The following SLC6A16 variants were observed in gnomAD, a reference collection of about 807,000 sequenced individuals.
SLC6A16 encodes the protein orphan sodium- and chloride-dependent neurotransmitter transporter NTT5.
Under a neutral mutation model 65.4 loss-of-function variants are expected in SLC6A16, and 54 were observed. The observed-to-expected ratio is 0.83, with a 90% confidence interval of 0.66 to 1.04. The LOEUF (loss-of-function observed/expected upper bound fraction) is 1.04. Among genes scored for constraint, SLC6A16 ranks in the 50% least tolerant of loss-of-function variants. The probability of loss-of-function intolerance (pLI) is 0.00; values close to 1 mark genes in which losing one functional copy is unlikely to be tolerated. For missense variants in SLC6A16, 816 were observed against 914.0 expected (o/e 0.89, Z 1.38); for synonymous variants, 330 against 346.5 (o/e 0.95, Z 0.53).
At chr19:49,303,526 C>T (rs1042963074) in intron 7 of SLC6A16, among the ~76,000 whole-genome samples, 2 of 151,676 alleles carry the variant, frequency 1.3e-5, no homozygotes, top group African/African-American at 4.8e-5. Context: ...ATGGTGGCGC[C>T]CACCTGTAGT....
chr19:49,333,794 T>C, the SLC6A16 span, among the ~76,000 whole-genome samples: 1 of 152,004 alleles, frequency 6.6e-6, no homozygotes, highest in South Asian at 2.1e-4. Context: ...CATGACTAGA[T>C]AGATGGTGGG....
chr19:49,335,040 G>T, the SLC6A16 span: 1 of 159,500 alleles, frequency 6.3e-6, no homozygotes, highest in Non-Finnish European at 1.4e-5. This position sits in a 1 kb window ranked among gnomAD's most constrained non-coding sequence, Gnocchi z 4.6. Context: ...AAGACCCAGA[G>T]AGGAGGAACA....
At chr19:49,339,612 A>G in the SLC6A16 span, 1 of 1,437,670 alleles carries the variant, frequency 7.0e-7, no homozygotes, top group African/African-American at 1.4e-5. The surrounding 1 kb of genome is among the most constrained non-coding windows in gnomAD (Gnocchi z 4.5). Context: ...GTACGCAGGG[A>G]AAGCCTCCTG....
upstream of SLC6A16, among the ~76,000 whole-genome samples, chr19:49,330,201 C>T (rs7252858): frequency 4.5e-3 from 689 of 151,810 alleles, 3 homozygotes; most frequent in African/African-American, 0.016. Context: ...CTGGAGTGTG[C>T]AGGAGGTGGG....
rs1970213277 is a variant in SLC6A16, at chr19:49,297,813, C to T, written c.1230-3260G>A. On this transcript the variant is annotated intron_variant, in intron 7 of 11. Coordinates refer to ENST00000335875, the MANE Select transcript of SLC6A16 (RefSeq NM_014037.3). ...ATCATAGATGAATACTAAAAACATG[C>T]TAAGTGAAAGAAGTCAGATATAAGA... Among the ~76,000 whole-genome samples the T allele has an allele frequency of 3.3e-5, 5 of 151,802 alleles. No individual in the cohort carries two copies. The South Asian group carries it at 1.0e-3, about 32-fold the overall frequency.
At chr19:49,328,194 C>T (rs951220208), upstream of SLC6A16, among the ~76,000 whole-genome samples, 1 of 152,244 alleles carries the variant, frequency 6.6e-6, no homozygotes, top group African/African-American at 2.4e-5. Flanking sequence ...AATTGACTCA[C>T]AGTTCAGCTT....
intron 1 of SLC6A16, among the ~76,000 whole-genome samples, chr19:49,311,675 C>A (rs1208557922): frequency 6.6e-6 from 1 of 151,550 alleles, no homozygotes; most frequent in African/African-American, 2.4e-5. Flanking sequence ...ATGGTGAAAC[C>A]CCGTCTCTAC....
At chr19:49,334,182 G>A in the SLC6A16 span, among the ~76,000 whole-genome samples, 18,085 of 152,284 alleles carry the variant, frequency 0.12, 1,387 homozygotes, top group South Asian at 0.22. Flanking sequence ...GGGGAAGGGG[G>A]AGACAGAGAA....
the SLC6A16 span, among the ~76,000 whole-genome samples, chr19:49,332,986 AC>A: frequency 6.6e-6 from 1 of 152,054 alleles, no homozygotes; most frequent in Non-Finnish European, 1.5e-5. Context: ...ACATGGTGAA[AC>A]CCTGTCTGTA....
At chr19:49,334,845 G>A in the SLC6A16 span, among the ~76,000 whole-genome samples, 9 of 152,008 alleles carry the variant, frequency 5.9e-5, no homozygotes, top group East Asian at 5.8e-4. Flanking sequence ...TTTCCCCACC[G>A]TACTCCAGCC....
the SLC6A16 span, chr19:49,339,487 C>G: frequency 3.2e-6 from 5 of 1,551,310 alleles, no homozygotes; most frequent in East Asian, 9.0e-5. The surrounding 1 kb of genome is among the most constrained non-coding windows in gnomAD (Gnocchi z 4.5). Context: ...TCGCGTCCTT[C>G]GGTTGCCTGG....
chr19:49,321,765 AT>A (rs1970714840), intron 1 of SLC6A16, among the ~76,000 whole-genome samples: 2 of 151,430 alleles, frequency 1.3e-5, no homozygotes, highest in Non-Finnish European at 2.9e-5. Flanking sequence ...AACAAACAAA[AT>A]TTTTAATTAC....
upstream of SLC6A16, among the ~76,000 whole-genome samples, chr19:49,327,473 T>C (rs1970811161): frequency 4.6e-5 from 7 of 152,200 alleles, no homozygotes; most frequent in Admixed American, 4.6e-4. Context: ...GTGAAAAATG[T>C]GTGTGAACAT....
chr19:49,319,760 C>G (rs957306719), intron 1 of SLC6A16, among the ~76,000 whole-genome samples: 1 of 152,078 alleles, frequency 6.6e-6, no homozygotes, highest in Non-Finnish European at 1.5e-5. Context: ...GCAGAATACA[C>G]ATTCTTCTCA....
intron 11 of SLC6A16, 47 bp downstream of exon 11, chr19:49,290,558 T>A: frequency 6.2e-7 from 1 of 1,602,818 alleles, no homozygotes; most frequent in Non-Finnish European, 8.5e-7. Flanking sequence ...AATTGAAAGG[T>A]CTGGCCCCTA....
At chr19:49,295,119 C>T (rs1295869485) in intron 7 of SLC6A16, among the ~76,000 whole-genome samples, 3 of 152,126 alleles carry the variant, frequency 2.0e-5, no homozygotes, top group Non-Finnish European at 4.4e-5. Context: ...ACTCCACCCC[C>T]ACCACCATTC....
At chr19:49,317,935 T>G (rs1349503184) in intron 1 of SLC6A16, among the ~76,000 whole-genome samples, 2 of 152,230 alleles carry the variant, frequency 1.3e-5, no homozygotes, top group African/African-American at 4.8e-5. Flanking sequence ...CCCATTTTTC[T>G]GCTAATTTCC....
intron 1 of SLC6A16, among the ~76,000 whole-genome samples, chr19:49,317,780 A>T (rs1270946895): frequency 6.6e-6 from 1 of 151,994 alleles, no homozygotes; most frequent in Non-Finnish European, 1.5e-5. Context: ...CACTCCAGCC[A>T]GGGCAACACA....
chr19:49,305,330 G>A (rs1278736405), intron 7 of SLC6A16, among the ~76,000 whole-genome samples: 1 of 152,098 alleles, frequency 6.6e-6, no homozygotes, highest in African/African-American at 2.4e-5. Context: ...GGTGGCTCAC[G>A]CCTGTAATCC....
Sources: gnomAD v4.1 joint callset for allele counts (sites outside exome capture counted in the v4.1 genomes callset) on GRCh38, gnomAD v4.1.1 for gene constraint, Gnocchi (gnomAD v3.1) non-coding constraint, MANE v1.5 for transcripts, NCBI Gene and HGNC (gene_info 2026-07-23, HGNC 2026-07-21) for gene names.